PLSCR2: variants seen among roughly 807,000 people sequenced by gnomAD.
The protein encoded by PLSCR2 is PL scramblase 2.
A neutral mutation model predicts 25.3 loss-of-function variants in PLSCR2; 18 were observed. That is an observed-to-expected ratio of 0.71 (90% CI 0.49 to 1.06). The LOEUF (loss-of-function observed/expected upper bound fraction) is 1.06, where lower values mean the gene tolerates loss of function less well. Ranked by LOEUF, PLSCR2 falls within the 50% of genes least tolerant of loss-of-function variation. The pLI is 0.00. For missense variants in PLSCR2, 243 were observed against 269.5 expected (o/e 0.90, Z 0.69); for synonymous variants, 88 against 87.3 (o/e 1.01, Z -0.04).
At chr3:146,434,300 C>A (rs1232556745) in intron 8 of PLSCR2, among the ~76,000 whole-genome samples, 2 of 152,060 alleles carry the variant, frequency 1.3e-5, no homozygotes, top group Admixed American at 6.6e-5. Flanking sequence ...TAAATAAATT[C>A]TATGAAGGAT....
downstream of PLSCR2, among the ~76,000 whole-genome samples, chr3:146,437,628 T>C (rs1315622811): frequency 1.3e-5 from 2 of 152,204 alleles, no homozygotes; most frequent in African/African-American, 4.8e-5. Context: ...ATCCCCTTTA[T>C]CATTTTTTAT....
chr3:146,471,566 C>CTT lies in PLSCR2; in HGVS notation c.-292-11284_-292-11283dup, dbSNP rs550109802. Among the ~76,000 whole-genome samples the CTT allele has an allele frequency of 1.8e-3, 231 of 129,748 alleles. 1 individual carries two copies. The highest frequency in any genetic ancestry group is 4.8e-3 in the African/African-American group (170 of 35,072). 85.1% of individuals were successfully genotyped at this position (129,748 alleles called of 152,430 possible). On this transcript the variant is annotated intron_variant, in intron 1 of 8. Coordinates refer to the PLSCR2 transcript ENST00000336685. The stretch of plus-strand genomic sequence containing the variant: ...TGGGTATGTTAAATAAGATACAATT[C>CTT]TTTTTTTTTTTTTTTTCTGAGACAG...
intron 2 of PLSCR2, among the ~76,000 whole-genome samples, chr3:146,411,062 C>A (rs974894917): frequency 4.6e-5 from 7 of 152,132 alleles, no homozygotes; most frequent in African/African-American, 1.4e-4. Context: ...ACCATTCACA[C>A]AGAATTTATA....
downstream of PLSCR2, among the ~76,000 whole-genome samples, chr3:146,440,691 T>C (rs1029898990): frequency 4.6e-5 from 7 of 152,312 alleles, no homozygotes; most frequent in African/African-American, 1.7e-4. Flanking sequence ...TATTCGGCCA[T>C]CTTGGAACCT....
chr3:146,426,492 A>C (rs1177564896), intron 2 of PLSCR2, among the ~76,000 whole-genome samples: 1 of 152,066 alleles, frequency 6.6e-6, no homozygotes, highest in Non-Finnish European at 1.5e-5. Context: ...CTCTCTATAA[A>C]ACCTACCCAT....
At chr3:146,431,780 G>C (rs1277842350), downstream of PLSCR2, among the ~76,000 whole-genome samples, 1 of 150,970 alleles carries the variant, frequency 6.6e-6, no homozygotes, top group African/African-American at 2.4e-5. Context: ...CAACATACTT[G>C]AAACTAAGCC....
chr3:146,452,674 A>T (rs538193951), intron 5 of PLSCR2, among the ~76,000 whole-genome samples: 1 of 152,102 alleles, frequency 6.6e-6, no homozygotes, highest in Non-Finnish European at 1.5e-5. Flanking sequence ...AATGAAATCT[A>T]AATTTTTAGT....
At chr3:146,437,726 C>G (rs1020257481), downstream of PLSCR2, among the ~76,000 whole-genome samples, 7 of 152,056 alleles carry the variant, frequency 4.6e-5, no homozygotes, top group African/African-American at 1.7e-4. Flanking sequence ...AAATCCACCT[C>G]CTGGATTCAT....
chr3:146,410,853 C>G (rs1366398709), intron 2 of PLSCR2, among the ~76,000 whole-genome samples: 1 of 152,178 alleles, frequency 6.6e-6, no homozygotes, highest in Non-Finnish European at 1.5e-5. Context: ...GCCGCTCCCC[C>G]TGAGGGGACT....
intron 2 of PLSCR2, among the ~76,000 whole-genome samples, chr3:146,415,501 C>A (rs1279049580): frequency 6.6e-6 from 1 of 151,884 alleles, no homozygotes. Flanking sequence ...AATATCTATA[C>A]TATCATTTGA....
chr3:146,472,540 C>A (rs1454926752), intron 1 of PLSCR2, among the ~76,000 whole-genome samples: 2 of 152,212 alleles, frequency 1.3e-5, no homozygotes, highest in Non-Finnish European at 2.9e-5. Flanking sequence ...CTAACACATA[C>A]ATGGCATCTT....
chr3:146,488,998 T>C (rs1282022917), intron 1 of PLSCR2, among the ~76,000 whole-genome samples: 1 of 152,096 alleles, frequency 6.6e-6, no homozygotes, highest in African/African-American at 2.4e-5. Context: ...TAAAAAGGAA[T>C]GAGATCATGT....
chr3:146,469,688 C>A (rs1048692879), intron 1 of PLSCR2, 127 bp from the exon 1 acceptor site: 2 of 436,792 alleles, frequency 4.6e-6, no homozygotes, highest in Non-Finnish European at 6.1e-6. Context: ...CCCAAGGGTA[C>A]AACAAGGCTT....
intron 1 of PLSCR2, among the ~76,000 whole-genome samples, chr3:146,488,769 A>G (rs1167885360): frequency 6.6e-6 from 1 of 152,144 alleles, no homozygotes; most frequent in Non-Finnish European, 1.5e-5. Context: ...TGACTCCTCA[A>G]GGATCTGGAA....
In PLSCR2 at chr3:146,394,596, A is replaced by C. The variant is rs375586550; in HGVS notation, c.*145+1164T>G. Reference sequence around the variant, plus strand: ...TAACAATTTCTATCTATCAACTGGTAATTACAGAAGGTTTACAAATAATGT... The same window carrying C: ...TAACAATTTCTATCTATCAACTGGTCATTACAGAAGGTTTACAAATAATGT... On this transcript the variant is annotated intron_variant and NMD_transcript_variant, in intron 3 of 3. Coordinates refer to the PLSCR2 transcript ENST00000463633. Among the ~76,000 whole-genome samples, 4 of 152,234 alleles carry C rather than the reference A, an allele frequency of 2.6e-5. No individual in the cohort carries two copies. The East Asian group carries it at 5.8e-4, about 22-fold the overall frequency.
chr3:146,443,531 T>C (rs1223574733), intron 6 of PLSCR2, among the ~76,000 whole-genome samples: 1 of 152,032 alleles, frequency 6.6e-6, no homozygotes, highest in Non-Finnish European at 1.5e-5. Flanking sequence ...TTTTAGGTTT[T>C]CCAACTTATT....
downstream of PLSCR2, among the ~76,000 whole-genome samples, chr3:146,441,167 G>A (rs59892217): frequency 0.08 from 12,173 of 152,040 alleles, 616 homozygotes; most frequent in African/African-American, 0.13. Flanking sequence ...TAAATATAGT[G>A]TGCTTTTCTG....
intron 3 of PLSCR2, among the ~76,000 whole-genome samples, chr3:146,393,139 C>T (rs937865091): frequency 3.3e-5 from 5 of 150,578 alleles, no homozygotes; most frequent in African/African-American, 1.2e-4. Context: ...CGCCATTCTC[C>T]TGCCTCAGCC....
chr3:146,490,234 A>C lies in PLSCR2; in HGVS notation c.-293+5661T>G, dbSNP rs1295166872. Among the ~76,000 whole-genome samples, 5 of 152,110 alleles carry C rather than the reference A, an allele frequency of 3.3e-5. No individual in the cohort carries two copies. In the East Asian group the frequency reaches 7.7e-4, roughly 23 times the overall value. On this transcript the variant is annotated intron_variant, in intron 1 of 8. Transcript: ENST00000336685. ...AAAAGGGGGAAAAAATAGAAGAAAA[A>C]GAGGAACCACCATTTGGAGGAAATT...
Sources: allele counts gnomAD v4.1 joint callset (sites outside exome capture counted in the v4.1 genomes callset), GRCh38; gene constraint gnomAD v4.1.1; transcripts MANE v1.5; gene names NCBI Gene and HGNC (gene_info 2026-07-23, HGNC 2026-07-21).